GRM7: variants seen among roughly 807,000 people sequenced by gnomAD.
GRM7 encodes metabotropic glutamate receptor 7.
GRM7 carries 35 observed loss-of-function variants against 84.5 expected under a neutral mutation model. That is an observed-to-expected ratio of 0.41 (90% CI 0.32 to 0.55). The LOEUF is 0.55. Ranked by LOEUF, GRM7 falls within the 20% of genes least tolerant of loss-of-function variation. GRM7 has a pLI of 0.19. For synonymous variants in GRM7, 487 were observed against 455.1 expected, an observed-to-expected ratio of 1.07 and a Z score of -0.89; for missense variants, 1,003 against 1,194.6, an observed-to-expected ratio of 0.84 and a Z score of 2.36.
intron 1 of GRM7, among the ~76,000 whole-genome samples, chr3:7,087,410 C>G (rs1274765807): frequency 6.8e-6 from 1 of 147,174 alleles, no homozygotes; most frequent in Non-Finnish European, 1.5e-5. Flanking sequence ...TTTTTTTACC[C>G]CAACCGAAAA....
chr3:6,902,962 A>G (rs1219005013), intron 1 of GRM7, among the ~76,000 whole-genome samples: 1 of 151,990 alleles, frequency 6.6e-6, no homozygotes, highest in Non-Finnish European at 1.5e-5. Flanking sequence ...TTTACTTGGC[A>G]TGCTAACTAA....
intron 6 of GRM7, among the ~76,000 whole-genome samples, chr3:7,453,603 G>C (rs1363939146): frequency 2.0e-5 from 3 of 152,152 alleles, no homozygotes; most frequent in Non-Finnish European, 4.4e-5. Flanking sequence ...GAGAGTAGGA[G>C]TTTCTGTCCT....
chr3:7,513,310 C>G (rs941128859), intron 7 of GRM7, among the ~76,000 whole-genome samples: 19 of 152,032 alleles, frequency 1.2e-4, no homozygotes, highest in African/African-American at 4.1e-4. Context: ...AAGAGGGGAA[C>G]CTTGATTAAT....
chr3:7,469,581 C>G (rs913484478), intron 7 of GRM7, among the ~76,000 whole-genome samples: 1 of 151,862 alleles, frequency 6.6e-6, no homozygotes, highest in Non-Finnish European at 1.5e-5. Flanking sequence ...CCACCTACTT[C>G]TCTACACTTT....
intron 1 of GRM7, among the ~76,000 whole-genome samples, chr3:6,972,196 C>T (rs1029785509): frequency 4.6e-5 from 7 of 152,216 alleles, no homozygotes; most frequent in African/African-American, 1.2e-4. Context: ...ACTTCATTGA[C>T]GTCAGAACAC....
At chr3:7,330,812 C>A (rs1456991944) in intron 4 of GRM7, among the ~76,000 whole-genome samples, 1 of 152,138 alleles carries the variant, frequency 6.6e-6, no homozygotes, top group Non-Finnish European at 1.5e-5. Context: ...GACTAATACC[C>A]CTTCCTCCAG....
chr3:7,577,117 A>C (rs1376960432), intron 7 of GRM7, among the ~76,000 whole-genome samples: 2 of 152,228 alleles, frequency 1.3e-5, no homozygotes, highest in Non-Finnish European at 2.9e-5. Flanking sequence ...TGACCTCAGA[A>C]AAAGTCAAGA....
chr3:7,017,350 A>G (rs1695601196), intron 1 of GRM7, among the ~76,000 whole-genome samples: 3 of 152,230 alleles, frequency 2.0e-5, no homozygotes, highest in African/African-American at 7.2e-5. Context: ...GCTGGGCCAC[A>G]AAGAGGTTTG....
intron 7 of GRM7, among the ~76,000 whole-genome samples, chr3:7,505,214 C>T (rs1700004960): frequency 6.6e-6 from 1 of 152,192 alleles, no homozygotes; most frequent in Non-Finnish European, 1.5e-5. Context: ...ATTTGGACCC[C>T]CTCCTCCACA....
chr3:7,127,630 T>C (rs79044880), intron 1 of GRM7, among the ~76,000 whole-genome samples: 222 of 152,318 alleles, frequency 1.5e-3, no homozygotes, highest in African/African-American at 5.0e-3. Context: ...TTAAAAGTTA[T>C]ACATAACATA....
intron 5 of GRM7, among the ~76,000 whole-genome samples, chr3:7,418,297 C>T (rs373693575): frequency 6.6e-6 from 1 of 152,144 alleles, no homozygotes; most frequent in Non-Finnish European, 1.5e-5. Context: ...ATCAGGCATT[C>T]GCAGTGAGCC....
intron 7 of GRM7, among the ~76,000 whole-genome samples, chr3:7,531,408 G>T (rs1307891200): frequency 6.6e-6 from 1 of 152,078 alleles, no homozygotes; most frequent in Non-Finnish European, 1.5e-5. Context: ...TGGGCAGTAT[G>T]GCCATTTTCA....
In GRM7 at chr3:6,871,019, T is replaced by A. The variant is rs555482349; in HGVS notation, c.519+9112T>A. ...TTATTTTAAAGATTGAATGAGGAAG[T>A]GGAATTAGCACTGTAGGTTCTCAAA... On this transcript the variant is annotated intron_variant, in intron 1 of 9. Transcript: ENST00000357716. Among the ~76,000 whole-genome samples, 5 of 152,292 alleles carry A rather than the reference T, an allele frequency of 3.3e-5. No homozygotes were observed. In the East Asian group the frequency reaches 9.6e-4, roughly 29 times the overall value.
chr3:7,093,979 T>G lies in GRM7; in HGVS notation c.520-52473T>G, dbSNP rs535847653. 3.3e-5 allele frequency among the ~76,000 whole-genome samples: 5 copies of G among 152,230 alleles called. No individual in the cohort carries two copies. In the East Asian group the frequency reaches 9.7e-4, roughly 30 times the overall value. On this transcript the variant is annotated intron_variant, in intron 1 of 9. Transcript: ENST00000357716. ...TTCTTGCTATAAACTAATTAGACAG[T>G]TTAGGTAGCCATCTTTCCATCTTGC...
intron 1 of GRM7, among the ~76,000 whole-genome samples, chr3:6,971,204 G>A (rs12106827): frequency 1.0e-3 from 156 of 151,362 alleles, no homozygotes; most frequent in African/African-American, 3.6e-3. Context: ...TAACAACAAA[G>A]CACTTTGCTA....
intron 9 of GRM7, among the ~76,000 whole-genome samples, chr3:7,719,813 C>G (rs1432544322): frequency 2.0e-5 from 3 of 150,944 alleles, no homozygotes; most frequent in Non-Finnish European, 4.4e-5. Flanking sequence ...CACACACACA[C>G]ACACACACAC....
chr3:7,454,290 C>A (rs1209569622), intron 6 of GRM7, among the ~76,000 whole-genome samples: 1 of 151,922 alleles, frequency 6.6e-6, no homozygotes, highest in East Asian at 1.9e-4. Flanking sequence ...AAAAAATGGG[C>A]CAATAGGATA....
intron 7 of GRM7, among the ~76,000 whole-genome samples, chr3:7,550,562 TC>T (rs1428299967): frequency 2.1e-5 from 2 of 95,200 alleles, no homozygotes; most frequent in African/African-American, 6.6e-5. Flanking sequence ...TCTCTCTCTC[TC>T]TCTCTCTCTC....
At chr3:7,523,907 G>T (rs1700692886) in intron 7 of GRM7, among the ~76,000 whole-genome samples, 1 of 152,016 alleles carries the variant, frequency 6.6e-6, no homozygotes, top group African/African-American at 2.4e-5. Flanking sequence ...GGTAAGTATG[G>T]GTAGTCTCTC....
Sources: allele counts gnomAD v4.1 joint callset (sites outside exome capture counted in the v4.1 genomes callset), GRCh38; gene constraint gnomAD v4.1.1; transcripts MANE v1.5; gene names NCBI Gene and HGNC (gene_info 2026-07-23, HGNC 2026-07-21).